Variants in DTNA observed in about 807,000 individuals in gnomAD.
DTNA encodes the protein dystrobrevin alpha.
DTNA carries 43 observed loss-of-function variants against 100.7 expected under a neutral mutation model. That is an observed-to-expected ratio of 0.43 (90% CI 0.33 to 0.55). The LOEUF is 0.55. Ranked by LOEUF, DTNA falls within the 20% of genes least tolerant of loss-of-function variation. The pLI is 0.04. For synonymous variants in DTNA, 349 were observed against 347.9 expected, an observed-to-expected ratio of 1.00 and a Z score of -0.04; for missense variants, 798 against 953.9, an observed-to-expected ratio of 0.84 and a Z score of 2.15.
intron 2 of DTNA, among the ~76,000 whole-genome samples, chr18:34,765,486 T>C (rs1365821388): frequency 4.6e-5 from 7 of 152,180 alleles, no homozygotes; most frequent in Admixed American, 4.6e-4. Context: ...ATCTTCCAAG[T>C]GAGAAAACTG....
chr18:34,754,671 G>A (rs1200839099), intron 1 of DTNA, among the ~76,000 whole-genome samples: 1 of 152,156 alleles, frequency 6.6e-6, no homozygotes, highest in Non-Finnish European at 1.5e-5. Flanking sequence ...TATTTATGGG[G>A]TACAATGTAA....
chr18:34,621,233 A>T (rs1443357633), intron 1 of DTNA, among the ~76,000 whole-genome samples: 1 of 148,436 alleles, frequency 6.7e-6, no homozygotes, highest in African/African-American at 2.5e-5. Flanking sequence ...CATATATATG[A>T]TATATATATA....
intron 1 of DTNA, among the ~76,000 whole-genome samples, chr18:34,651,485 A>G (rs1483815949): frequency 1.3e-5 from 2 of 152,196 alleles, no homozygotes; most frequent in Admixed American, 1.3e-4. Context: ...AATAGAGGAT[A>G]TGCTTGAGTC....
At chr18:34,642,118 A>G (rs927299928) in intron 1 of DTNA, among the ~76,000 whole-genome samples, 2 of 152,206 alleles carry the variant, frequency 1.3e-5, no homozygotes, top group African/African-American at 4.8e-5. Context: ...GAAGCTTGCT[A>G]ATGAGGACTC....
intron 1 of DTNA, among the ~76,000 whole-genome samples, chr18:34,732,207 T>C (rs2088435604): frequency 6.6e-6 from 1 of 152,232 alleles, no homozygotes; most frequent in African/African-American, 2.4e-5. Context: ...TTTTTCCCCC[T>C]AATTTTCTTC....
chr18:34,668,371 A>G (rs990632320), intron 1 of DTNA, among the ~76,000 whole-genome samples: 1 of 152,148 alleles, frequency 6.6e-6, no homozygotes, highest in Non-Finnish European at 1.5e-5. Context: ...CTTTTCAAAA[A>G]ACCAGATCCT....
intron 1 of DTNA, among the ~76,000 whole-genome samples, chr18:34,666,499 G>A (rs2075948158): frequency 6.6e-6 from 1 of 152,014 alleles, no homozygotes; most frequent in Non-Finnish European, 1.5e-5. Flanking sequence ...CCTTGCCCAT[G>A]CCTATGTCCT....
At chr18:34,535,927 A>G (rs1258439192) in intron 1 of DTNA, among the ~76,000 whole-genome samples, 3 of 151,988 alleles carry the variant, frequency 2.0e-5, no homozygotes, top group South Asian at 2.1e-4. Context: ...AGAGAGTAAA[A>G]CTGTCTTCTT....
rs967210230 is a variant in DTNA, at chr18:34,506,816, G to A, written c.-2+13302G>A. Among the ~76,000 whole-genome samples the A allele has an allele frequency of 3.3e-5, 5 of 152,124 alleles. No homozygotes were observed. The East Asian group carries it at 7.7e-4, about 23-fold the overall frequency. ...TCTCCAGCTTTCAGTGTCTTTGTAT[G>A]TTTATTTAATATATAAAATACAGGG... On this transcript the variant is annotated intron_variant, in intron 1 of 19. Transcript: ENST00000283365.
chr18:34,867,276 G>T, intron 17 of DTNA: 12 of 1,231,270 alleles, frequency 9.7e-6, no homozygotes, highest in Non-Finnish European at 1.2e-5. Context: ...CCCATGGTCT[G>T]TAAAAAAGGA....
At chr18:34,879,854 G>A (rs2096854903) in intron 20 of DTNA, 135 bp downstream of exon 20, 1 of 1,106,208 alleles carries the variant, frequency 9.0e-7, no homozygotes, top group Admixed American at 2.2e-5. Context: ...TTCTGCCAGA[G>A]ATATAGAAGG....
intron 3 of DTNA, among the ~76,000 whole-genome samples, chr18:34,788,979 A>G (rs1434528575): frequency 6.6e-6 from 1 of 152,180 alleles, no homozygotes; most frequent in Non-Finnish European, 1.5e-5. Context: ...TAATCTCACT[A>G]TAACTGCCTC....
intron 1 of DTNA, among the ~76,000 whole-genome samples, chr18:34,725,299 G>A (rs1437819117): frequency 6.6e-6 from 1 of 151,902 alleles, no homozygotes; most frequent in Non-Finnish European, 1.5e-5. Flanking sequence ...TATCAACAGA[G>A]TGAACAGGCA....
At chr18:34,836,330 A>G (rs2096142874) in intron 11 of DTNA, among the ~76,000 whole-genome samples, 1 of 152,250 alleles carries the variant, frequency 6.6e-6, no homozygotes, top group African/African-American at 2.4e-5. Context: ...AAAGTAAATT[A>G]TCCTAAAACA....
intron 1 of DTNA, among the ~76,000 whole-genome samples, chr18:34,599,017 A>T (rs2051231735): frequency 6.6e-6 from 1 of 152,220 alleles, no homozygotes; most frequent in African/African-American, 2.4e-5. Flanking sequence ...AATTCCAAGG[A>T]TGTTTAATTA....
chr18:34,675,543 G>A (rs1042768400), intron 1 of DTNA, among the ~76,000 whole-genome samples: 1 of 151,974 alleles, frequency 6.6e-6, no homozygotes, highest in Non-Finnish European at 1.5e-5. Flanking sequence ...AAAGGAAATT[G>A]AACCAAATAT....
At chr18:34,639,798 C>G (rs1396320111) in intron 1 of DTNA, among the ~76,000 whole-genome samples, 1 of 152,160 alleles carries the variant, frequency 6.6e-6, no homozygotes, top group African/African-American at 2.4e-5. Context: ...TATTCTTATT[C>G]TGCTCCCATG....
At chr18:34,717,686 A>C (rs1034988599) in intron 1 of DTNA, among the ~76,000 whole-genome samples, 2 of 152,172 alleles carry the variant, frequency 1.3e-5, no homozygotes, top group Non-Finnish European at 2.9e-5. Context: ...CTAAGGAGTA[A>C]ATGGTGCAGA....
chr18:34,818,084 A>G (rs2095634939), intron 7 of DTNA, 80 bp from the exon 8 acceptor site: 5 of 1,610,994 alleles, frequency 3.1e-6, no homozygotes, highest in South Asian at 1.1e-5. Flanking sequence ...GAAAGGTGCA[A>G]TTCCTGTAAG....
Sources: allele counts gnomAD v4.1 joint callset (sites outside exome capture counted in the v4.1 genomes callset), GRCh38; gene constraint gnomAD v4.1.1; transcripts MANE v1.5; gene names NCBI Gene and HGNC (gene_info 2026-07-23, HGNC 2026-07-21).